PLEKHA5: variants seen among roughly 807,000 people sequenced by gnomAD.
PLEKHA5 encodes the protein pleckstrin homology domain-containing family A member 5.
In PLEKHA5, 55 loss-of-function variants were observed where a neutral mutation model predicts 181.9. That is an observed-to-expected ratio of 0.30 (90% CI 0.24 to 0.38). The LOEUF is 0.38. PLEKHA5 is among the 10% of genes least tolerant of loss of function. PLEKHA5 has a pLI of 1.00. For synonymous variants in PLEKHA5, 535 were observed against 529.4 expected, an observed-to-expected ratio of 1.01 and a Z score of -0.15; for missense variants, 1,432 against 1,549.5, an observed-to-expected ratio of 0.92 and a Z score of 1.27.
chr12:19,242,156 A>G (rs1317317974), intron 3 of PLEKHA5, among the ~76,000 whole-genome samples: 1 of 152,224 alleles, frequency 6.6e-6, no homozygotes, highest in East Asian at 1.9e-4. Context: ...CATGGTGTTA[A>G]TTGAATCATT....
chr12:19,190,494 A>G (rs2151948212), intron 3 of PLEKHA5, among the ~76,000 whole-genome samples: 1 of 152,360 alleles, frequency 6.6e-6, no homozygotes, highest in South Asian at 2.1e-4. Context: ...TCATGAAATC[A>G]GAGAGCTTTA....
chr12:19,172,087 A>G (rs1250794256), intron 3 of PLEKHA5, among the ~76,000 whole-genome samples: 2 of 152,252 alleles, frequency 1.3e-5, no homozygotes, highest in Non-Finnish European at 2.9e-5. Flanking sequence ...TAAAAAGAAA[A>G]GTTTGGTAAA....
At chr12:19,239,402 A>C (rs983483432) in intron 3 of PLEKHA5, among the ~76,000 whole-genome samples, 2 of 152,030 alleles carry the variant, frequency 1.3e-5, no homozygotes, top group Non-Finnish European at 2.9e-5. Flanking sequence ...GCTATTGGAA[A>C]CTGGGTTACT....
chr12:19,270,541 A>G (rs2072332118), intron 10 of PLEKHA5, among the ~76,000 whole-genome samples: 2 of 152,172 alleles, frequency 1.3e-5, no homozygotes, highest in African/African-American at 2.4e-5. Flanking sequence ...CCTTGATAAT[A>G]TAGATAAGTG....
chr12:19,363,380 G>T (rs1032149018), intron 29 of PLEKHA5, among the ~76,000 whole-genome samples: 1 of 151,700 alleles, frequency 6.6e-6, no homozygotes, highest in African/African-American at 2.4e-5. Context: ...GTGTTAGCCA[G>T]GATGGTCTCG....
intron 3 of PLEKHA5, among the ~76,000 whole-genome samples, chr12:19,212,809 A>G (rs1434435384): frequency 1.3e-5 from 2 of 149,422 alleles, no homozygotes; most frequent in Non-Finnish European, 3.0e-5. Context: ...AGAGGAAAAC[A>G]TGATGAGAGT....
intron 3 of PLEKHA5, among the ~76,000 whole-genome samples, chr12:19,197,792 A>G (rs2053286517): frequency 7.6e-6 from 1 of 131,524 alleles, no homozygotes; most frequent in Non-Finnish European, 1.7e-5. Context: ...TCAGCCATAA[A>G]TCTTCATCTC....
At chr12:19,373,743 C>T (rs2095644430) in intron 31 of PLEKHA5, 2 of 151,792 alleles carry the variant, frequency 1.3e-5, no homozygotes, top group Non-Finnish European at 2.9e-5. Flanking sequence ...AAACATTGGA[C>T]TCATTTGATT....
chr12:19,306,134 G>A (rs1189777531), intron 15 of PLEKHA5, among the ~76,000 whole-genome samples: 1 of 152,062 alleles, frequency 6.6e-6, no homozygotes, highest in East Asian at 1.9e-4. Context: ...TGCTGAAGAG[G>A]CCAGGATTAA....
chr12:19,138,169 G>A (rs547283467), intron 3 of PLEKHA5, among the ~76,000 whole-genome samples: 3 of 152,308 alleles, frequency 2.0e-5, no homozygotes, highest in African/African-American at 7.2e-5. Context: ...TTTGTTAGCA[G>A]ATGCTCTTTT....
chr12:19,141,320 G>A (rs147741593), intron 3 of PLEKHA5, among the ~76,000 whole-genome samples: 6 of 152,264 alleles, frequency 3.9e-5, no homozygotes, highest in African/African-American at 1.4e-4. Context: ...GACTACCTTG[G>A]ATCACATGCC....
chr12:19,286,153 AT>A (rs2077171127), intron 12 of PLEKHA5, among the ~76,000 whole-genome samples: 1 of 152,226 alleles, frequency 6.6e-6, no homozygotes, highest in African/African-American at 2.4e-5. Context: ...TGGCGGTGAT[AT>A]TAACAGTTGT....
At chr12:19,141,654 A>G (rs982479911) in intron 3 of PLEKHA5, among the ~76,000 whole-genome samples, 1 of 152,218 alleles carries the variant, frequency 6.6e-6, no homozygotes, top group East Asian at 1.9e-4. Context: ...GGCCAGGACC[A>G]GGGAGGATGA....
intron 3 of PLEKHA5, among the ~76,000 whole-genome samples, chr12:19,157,291 A>G (rs1347727501): frequency 1.3e-5 from 2 of 152,340 alleles, no homozygotes; most frequent in South Asian, 4.1e-4. Context: ...TTTATGTCAG[A>G]TAATCTGCCA....
At chr12:19,219,313 A>T (rs576335890) in intron 3 of PLEKHA5, among the ~76,000 whole-genome samples, 35 of 152,156 alleles carry the variant, frequency 2.3e-4, no homozygotes, top group Non-Finnish European at 3.8e-4. Context: ...CTTAAATTAT[A>T]TTTCCAAACT....
chr12:19,372,333 G>T (rs554112097), intron 31 of PLEKHA5: 3 of 151,626 alleles, frequency 2.0e-5, no homozygotes, highest in Non-Finnish European at 4.4e-5. Flanking sequence ...TCTCATTGTT[G>T]TGTACCTTCT....
intron 20 of PLEKHA5, among the ~76,000 whole-genome samples, chr12:19,328,091 C>G (rs1222589263): frequency 6.6e-6 from 1 of 152,144 alleles, no homozygotes; most frequent in East Asian, 1.9e-4. Flanking sequence ...AATAAGAAGC[C>G]CTTTCCACAT....
intron 3 of PLEKHA5, among the ~76,000 whole-genome samples, chr12:19,198,040 C>T (rs1206932275): frequency 6.6e-6 from 1 of 152,124 alleles, no homozygotes; most frequent in Non-Finnish European, 1.5e-5. Context: ...TCGTCTTTGC[C>T]ACCATCATCT....
intron 6 of PLEKHA5, among the ~76,000 whole-genome samples, chr12:19,260,030 G>A (rs2068001586): frequency 6.6e-6 from 1 of 151,232 alleles, no homozygotes; most frequent in East Asian, 1.9e-4. Context: ...ATTGCATATG[G>A]GAAAGTAATT....
Sources: allele counts gnomAD v4.1 joint callset (sites outside exome capture counted in the v4.1 genomes callset), GRCh38; gene constraint gnomAD v4.1.1; transcripts MANE v1.5; gene names NCBI Gene and HGNC (gene_info 2026-07-23, HGNC 2026-07-21).